RNASEH1: variants seen among roughly 807,000 people sequenced by gnomAD.
RNASEH1 encodes ribonuclease H1, also known as ribonuclease H type II.
A neutral mutation model predicts 34.6 loss-of-function variants in RNASEH1; 27 were observed. That is an observed-to-expected ratio of 0.78 (90% CI 0.58 to 1.08). RNASEH1 has a LOEUF of 1.08. Ranked by LOEUF, RNASEH1 falls within the 50% of genes least tolerant of loss-of-function variation. The pLI, the probability that RNASEH1 is intolerant of heterozygous loss-of-function variation, is 0.00. For missense variants in RNASEH1, 349 were observed against 373.6 expected (o/e 0.93, Z 0.54); for synonymous variants, 162 against 138.4 (o/e 1.17, Z -1.20).
chr2:3,547,487 T>C (rs1572295462), intron 7 of RNASEH1, among the ~76,000 whole-genome samples: 2 of 152,008 alleles, frequency 1.3e-5, no homozygotes, highest in South Asian at 2.1e-4. Context: ...ACATATTTTT[T>C]TTTTTTTTTT....
intron 3 of RNASEH1, among the ~76,000 whole-genome samples, chr2:3,551,373 C>G (rs976477166): frequency 6.6e-6 from 1 of 152,330 alleles, no homozygotes; most frequent in East Asian, 1.9e-4. Context: ...CCGCCATGTT[C>G]CAGGCCACCA....
chr2:3,535,633 G>A, the RNASEH1 span, among the ~76,000 whole-genome samples: 1 of 152,134 alleles, frequency 6.6e-6, no homozygotes, highest in African/African-American at 2.4e-5. Context: ...GTGCAGGTGA[G>A]GTGTGGGGTG....
At chr2:3,556,730 C>T in intron 2 of RNASEH1, 59 bp downstream of exon 2, 2 of 1,108,994 alleles carry the variant, frequency 1.8e-6, no homozygotes, top group Non-Finnish European at 2.8e-6. Flanking sequence ...CAAATGCCAT[C>T]TGGCATATGA....
rs1431082261 is a variant in RNASEH1, at chr2:3,552,297, G to C, written c.256C>G (p.Gln86Glu). 1 of 1,611,610 alleles carries C rather than the reference G, an allele frequency of 6.2e-7. No homozygotes were observed. The highest frequency in any genetic ancestry group is 2.2e-5 in the East Asian group (1 of 44,798). ...SPEVSEGHEN[Q>E]HGQESEAKAS... ...TTCGCCTCCGATTCTTGTCCATGTT[G>C]ATTTTCATGCCCTGAAAGACAAGAG... The change falls in exon 3 of 8, where the codon CAA (glutamine) becomes GAA (glutamate). Residue 86 changes from glutamine to glutamate, a missense_variant. Gln to Glu is a conservative substitution (Grantham distance 29). Around this residue, in one of 2 missense-constraint regions of RNASEH1, gnomAD observed 256 missense variants for 240.7 expected, o/e 1.06. Transcript: ENST00000315212.
intron 4 of RNASEH1, 130 bp from the exon 5 acceptor site, chr2:3,549,242 T>A: frequency 1.3e-6 from 1 of 795,400 alleles, no homozygotes; most frequent in Non-Finnish European, 2.1e-6. Context: ...AAAATCAAAC[T>A]AACAGACTCC....
downstream of RNASEH1, among the ~76,000 whole-genome samples, chr2:3,540,118 G>A (rs1352473054): frequency 1.1e-4 from 16 of 152,062 alleles, no homozygotes; most frequent in African/African-American, 3.6e-4. Context: ...TGTGCGGCAC[G>A]AACATCCTAT....
intron 3 of RNASEH1, among the ~76,000 whole-genome samples, chr2:3,551,622 C>CT (rs1319729722): frequency 1.3e-5 from 2 of 152,198 alleles, no homozygotes; most frequent in Non-Finnish European, 2.9e-5. Flanking sequence ...CTTATTTCTA[C>CT]TTTCTGCTCA....
In RNASEH1 at chr2:3,545,813, C is replaced by T. The variant is rs1668694900; in HGVS notation, c.833G>A (p.Arg278Lys). ...GTCTTCCGATTGTTTAGCTCCTTCTCTGGCTAATCTGTCAGCTTCTTCATT... is the reference window on the plus strand; with the variant it reads ...GTCTTCCGATTGTTTAGCTCCTTCTTTGGCTAATCTGTCAGCTTCTTCATT... ...IGNEEADRLA[R>K]EGAKQSED Residue 278 changes from arginine (R) to lysine (K), a missense_variant, in exon 8 of 8, where the codon AGA (arginine) becomes AAA (lysine). Physicochemically the swap from Arg to Lys is conservative, Grantham distance 26. Around this residue, in one of 2 missense-constraint regions of RNASEH1, gnomAD observed 93 missense variants for 132.9 expected, o/e 0.70. Coordinates refer to ENST00000315212, the MANE Select transcript of RNASEH1 (RefSeq NM_002936.6). The T allele has an allele frequency of 6.2e-7, 1 of 1,613,756 alleles. No individual in the cohort carries two copies. The highest frequency in any genetic ancestry group is 8.5e-7 in the Non-Finnish European group (1 of 1,179,708).
downstream of RNASEH1, among the ~76,000 whole-genome samples, chr2:3,537,966 G>C (rs1461005073): frequency 6.6e-6 from 1 of 151,802 alleles, no homozygotes; most frequent in African/African-American, 2.4e-5. Context: ...GAACCCAGGA[G>C]GCGGAGGTTG....
rs144417489 is a variant in RNASEH1, at chr2:3,549,018, T to C, written c.564+40A>G. The C allele has an allele frequency of 6.1e-5, 90 of 1,485,250 alleles. 2 individuals carry two copies. The Middle Eastern group carries it at 1.4e-3, about 24-fold the overall frequency. 92.0% of individuals were successfully genotyped at this position (1,485,250 alleles called of 1,614,324 possible). A position where few individuals can be genotyped will look rare whatever the true frequency, so the allele number is the denominator to read the frequency against. ...GTTTATTTGATAATTTCATACTCAATGCTCAAAAAAGAGAGGCTTAAACGT... is the reference window on the plus strand; with the variant it reads ...GTTTATTTGATAATTTCATACTCAACGCTCAAAAAAGAGAGGCTTAAACGT... On this transcript the variant is annotated intron_variant, in intron 5 of 7. Transcript: ENST00000315212.
chr2:3,558,213 C>A lies in RNASEH1; in HGVS notation c.48G>T (p.Leu16Phe). ...FLAHRVALAA[L>F]PCRRGSRGFG... Reference sequence around the variant, plus strand: ...ACCCGCGAGAGCCGCGGCGGCAGGGCAAGGCGGCCAAGGCGACTCTGTGGG... The same window carrying A: ...ACCCGCGAGAGCCGCGGCGGCAGGGAAAGGCGGCCAAGGCGACTCTGTGGG... Residue 16 changes from leucine (L) to phenylalanine (F), a missense_variant, in exon 1 of 8, where the codon TTG (leucine) becomes TTT (phenylalanine). Transcript: ENST00000315212. The A allele has an allele frequency of 6.3e-7, 1 of 1,598,964 alleles. No homozygotes were observed. The highest frequency in any genetic ancestry group is 8.5e-7 in the Non-Finnish European group (1 of 1,174,982).
chr2:3,556,726 C>T (rs1347614300), intron 2 of RNASEH1, 63 bp downstream of exon 2: 1 of 1,077,670 alleles, frequency 9.3e-7, no homozygotes, highest in East Asian at 2.4e-5. Flanking sequence ...AGATCAAATG[C>T]CATCTGGCAT....
In RNASEH1 at chr2:3,543,964, C is replaced by T. The variant is rs1668520272; in HGVS notation, c.*1821G>A. Among the ~76,000 whole-genome samples the T allele has an allele frequency of 6.6e-6, 1 of 152,170 alleles. No homozygotes were observed. Among genetic ancestry groups the T allele is most frequent in the Non-Finnish European group, 1.5e-5 (1 of 68,022 alleles). ...ACCCTTCACCACTCACCTTCCTTGA[C>T]AGACAACTAATGCATTATCTTAAAA... is the stretch of plus-strand genomic sequence containing the variant. On this transcript the variant is annotated 3_prime_UTR_variant, in exon 8 of 8. Coordinates refer to ENST00000315212, the MANE Select transcript of RNASEH1 (RefSeq NM_002936.6).
rs1409855089 is a variant in RNASEH1, at chr2:3,545,447, A to G, written c.*338T>C. 4 of 259,768 alleles carry G rather than the reference A, an allele frequency of 1.5e-5. No individual in the cohort carries two copies. Among genetic ancestry groups the G allele is most frequent in the African/African-American group, 8.7e-5 (4 of 45,800 alleles). 16.1% of individuals were successfully genotyped at this position (259,768 alleles called of 1,614,324 possible). ...GACTTCTGAGTTGCATCTTTTAACC[A>G]ATGGTTTTTTGATTTCTTATCAAAA... On this transcript the variant is annotated 3_prime_UTR_variant, in exon 8 of 8. Transcript: ENST00000315212.
At chr2:3,552,379 TTCAG>T (rs1660029333) in intron 2 of RNASEH1, 71 bp from the exon 3 acceptor site, 6 of 1,425,590 alleles carry the variant, frequency 4.2e-6, no homozygotes, top group Non-Finnish European at 5.8e-6. Flanking sequence ...AATGAAGACA[TTCAG>T]TAAATTATTT....
chr2:3,535,192 C>T, the RNASEH1 span, among the ~76,000 whole-genome samples: 206 of 152,036 alleles, frequency 1.4e-3, no homozygotes, highest in Non-Finnish European at 2.6e-3. Flanking sequence ...GTGAGGCAGG[C>T]GGTTCACCTG....
At chr2:3,546,720 G>C (rs1342446140) in intron 7 of RNASEH1, among the ~76,000 whole-genome samples, 2 of 152,256 alleles carry the variant, frequency 1.3e-5, no homozygotes, top group Admixed American at 1.3e-4. Context: ...GCAGCGAGCC[G>C]AGATTGCGCC....
rs935095955 is a variant in RNASEH1, at chr2:3,552,864, T to C, written c.245-556A>G. On this transcript the variant is annotated intron_variant, in intron 2 of 7. Coordinates refer to ENST00000315212, the MANE Select transcript of RNASEH1 (RefSeq NM_002936.6). ...GATAAATCTAAAAAAAGATGAGTTG[T>C]GTCCATGGTTCAGCCTCTCCCTGCC... Among the ~76,000 whole-genome samples the C allele has an allele frequency of 4.6e-5, 7 of 152,096 alleles. 1 individual carries two copies. Among genetic ancestry groups the C allele is most frequent in the African/African-American group, 1.7e-4 (7 of 41,410 alleles).
intron 4 of RNASEH1, among the ~76,000 whole-genome samples, chr2:3,549,857 A>T (rs1045836400): frequency 1.3e-5 from 2 of 151,812 alleles, no homozygotes; most frequent in South Asian, 2.1e-4. Flanking sequence ...GAGGAAGGAG[A>T]ATGGCGTGAA....
Sources: allele counts gnomAD v4.1 joint callset (sites outside exome capture counted in the v4.1 genomes callset), GRCh38; gene constraint gnomAD v4.1.1; regional missense constraint gnomAD v4.1.1; transcripts MANE v1.5; gene names NCBI Gene and HGNC (gene_info 2026-07-23, HGNC 2026-07-21).